The following CHD9 variants were observed in gnomAD, a reference collection of about 807,000 sequenced individuals.
The protein encoded by CHD9 is chromodomain helicase DNA binding protein 9, also known as ATP-dependent chromatin remodeler CHD9.
A neutral mutation model predicts 316.1 loss-of-function variants in CHD9; 77 were observed. The observed-to-expected ratio is 0.24, with a 90% CI of 0.20 to 0.29. The LOEUF is 0.29. Among genes scored for constraint, CHD9 ranks in the 10% least tolerant of loss-of-function variants. The pLI is 1.00. For synonymous variants in CHD9, 1,129 were observed against 1,158.3 expected (o/e 0.97, Z 0.51); for missense variants, 2,763 against 3,438.1 (o/e 0.80, Z 4.91).
In CHD9 at chr16:53,274,258, T is replaced by C; in HGVS notation, c.4923T>C (p.Val1641=). 6.2e-7 allele frequency: 1 copy of C among 1,600,370 alleles called. No individual in the cohort carries two copies. Among genetic ancestry groups the C allele is most frequent in the Non-Finnish European group, 8.5e-7 (1 of 1,174,522 alleles). ...VRMLYYLKQE[V]IGNECQKVFD... ...TGCTGTATTATCTAAAGCAAGAAGTTATTGGAAATGAGTGTCAGAAAGTAT... is the reference window on the plus strand; with the variant it reads ...TGCTGTATTATCTAAAGCAAGAAGTCATTGGAAATGAGTGTCAGAAAGTAT... The change falls in exon 24 of 39, where the codon GTT becomes GTC. Residue 1641 remains valine, a synonymous_variant. Coordinates refer to ENST00000447540, the MANE Select transcript of CHD9 (RefSeq NM_001308319.2).
At chr16:53,220,401 G>C (rs1329420420) in intron 3 of CHD9, among the ~76,000 whole-genome samples, 1 of 152,118 alleles carries the variant, frequency 6.6e-6, no homozygotes, top group Non-Finnish European at 1.5e-5. Flanking sequence ...ACCAAGTCCT[G>C]TTGGTTCTAC....
intron 1 of CHD9, among the ~76,000 whole-genome samples, chr16:53,118,919 C>T (rs551822539): frequency 2.4e-4 from 36 of 151,932 alleles, no homozygotes; most frequent in Middle Eastern, 3.4e-3. Context: ...CACCCTCCCG[C>T]GTAGCTGGGA....
intron 1 of CHD9, among the ~76,000 whole-genome samples, chr16:53,144,549 G>A (rs1394569001): frequency 6.7e-6 from 1 of 148,362 alleles, no homozygotes; most frequent in Non-Finnish European, 1.5e-5. Flanking sequence ...TTTTTTTTGA[G>A]ATGGAGTCTG....
At chr16:53,317,240 G>A (rs995794502) in intron 36 of CHD9, among the ~76,000 whole-genome samples, 14 of 151,470 alleles carry the variant, frequency 9.2e-5, no homozygotes, top group Admixed American at 8.6e-4. Context: ...TAATATTCCA[G>A]AGTACGTGGA....
chr16:53,224,214 A>G (rs970889237), intron 4 of CHD9, among the ~76,000 whole-genome samples: 8 of 152,332 alleles, frequency 5.3e-5, no homozygotes, highest in African/African-American at 1.9e-4. Flanking sequence ...CAGGATTTTA[A>G]GTTGTGCTTT....
intron 1 of CHD9, among the ~76,000 whole-genome samples, chr16:53,110,967 A>C (rs898910614): frequency 6.6e-6 from 1 of 152,240 alleles, no homozygotes; most frequent in Non-Finnish European, 1.5e-5. Context: ...GAGAAGGTAC[A>C]TTTTTTGGGG....
intron 19 of CHD9, among the ~76,000 whole-genome samples, chr16:53,257,633 A>G (rs1015099228): frequency 1.1e-4 from 17 of 152,170 alleles, no homozygotes; most frequent in African/African-American, 3.9e-4. Context: ...AAGGACATTT[A>G]TATGGGGAAA....
intron 36 of CHD9, among the ~76,000 whole-genome samples, chr16:53,315,510 G>A (rs554717325): frequency 7.2e-5 from 11 of 152,096 alleles, no homozygotes; most frequent in South Asian, 4.2e-4. Context: ...ACAGAGTCTC[G>A]CACTGTCACC....
At chr16:53,203,866 A>G (rs1316947348) in intron 2 of CHD9, among the ~76,000 whole-genome samples, 4 of 151,490 alleles carry the variant, frequency 2.6e-5, no homozygotes, top group Non-Finnish European at 4.4e-5. Flanking sequence ...TACTAAAAAT[A>G]CAAAAAAATT....
intron 19 of CHD9, among the ~76,000 whole-genome samples, chr16:53,260,923 T>C (rs1292431257): frequency 6.6e-6 from 1 of 152,204 alleles, no homozygotes; most frequent in Non-Finnish European, 1.5e-5. Context: ...GGTCCTTAAC[T>C]TAATCATATC....
chr16:53,150,896 A>G (rs551047508), intron 1 of CHD9, among the ~76,000 whole-genome samples: 1 of 152,238 alleles, frequency 6.6e-6, no homozygotes, highest in East Asian at 1.9e-4. Context: ...TGCCACTTTC[A>G]AGATTCTCTT....
chr16:53,218,605 T>A (rs1452991129), intron 3 of CHD9, among the ~76,000 whole-genome samples: 10 of 152,170 alleles, frequency 6.6e-5, no homozygotes, highest in South Asian at 6.2e-4. Flanking sequence ...TTGTAAATTT[T>A]AAAAAAATTT....
chr16:53,108,674 A>G (rs905634079), intron 1 of CHD9, among the ~76,000 whole-genome samples: 1 of 152,070 alleles, frequency 6.6e-6, no homozygotes, highest in African/African-American at 2.4e-5. Flanking sequence ...CAGGAGTTTG[A>G]GATCAGCCTG....
chr16:53,283,856 A>G (rs1376563225), intron 24 of CHD9, among the ~76,000 whole-genome samples: 3 of 152,192 alleles, frequency 2.0e-5, no homozygotes, highest in African/African-American at 7.2e-5. Flanking sequence ...TCAAGAATCT[A>G]CAGAAAGATC....
intron 24 of CHD9, among the ~76,000 whole-genome samples, chr16:53,279,034 A>C (rs1292642133): frequency 6.6e-6 from 1 of 152,204 alleles, no homozygotes; most frequent in African/African-American, 2.4e-5. Context: ...ATTATAAAAC[A>C]TGCTGCTATA....
intron 1 of CHD9, among the ~76,000 whole-genome samples, chr16:53,120,096 G>A (rs1360127955): frequency 3.3e-5 from 5 of 151,950 alleles, no homozygotes; most frequent in African/African-American, 1.2e-4. Context: ...AGCTGGTCAT[G>A]GTGGCAATGC....
chr16:53,236,969 C>G (rs977011803), intron 11 of CHD9, among the ~76,000 whole-genome samples: 1 of 152,054 alleles, frequency 6.6e-6, no homozygotes, highest in South Asian at 2.1e-4. Context: ...ACTCCCCGTG[C>G]CTTCACGGGG....
Position 53,222,650 on chromosome 16 carries a change from C to A in CHD9, c.1791C>A (p.Leu597=). 6.9e-7 allele frequency: 1 copy of A among 1,450,882 alleles called. No individual in the cohort carries two copies. Among genetic ancestry groups the A allele is most frequent in the South Asian group, 1.2e-5 (1 of 81,880 alleles). The allele number at this position is 1,450,882 out of a possible 1,614,324, so 89.9% of individuals were successfully genotyped here. The change falls in exon 4 of 39, where the codon CTC becomes CTA. Residue 597 remains leucine (L), a synonymous_variant. Coordinates refer to ENST00000447540, the MANE Select transcript of CHD9 (RefSeq NM_001308319.2). ...TCTTTTCCTCTTGAAACAGCAAACTCATTATTACATTGGGTAAGAAACAAA... is the reference window on the plus strand; with the variant it reads ...TCTTTTCCTCTTGAAACAGCAAACTAATTATTACATTGGGTAAGAAACAAA... ...KLKEKTKIGK[L]IITLGKKQKR...
rs1268875286 is a variant in CHD9 at position 53,267,408 on chromosome 16, A to C, written c.4435A>C (p.Lys1479Gln). 6.2e-7 allele frequency: 1 copy of C among 1,613,268 alleles called. No homozygotes were observed. Among genetic ancestry groups the C allele is most frequent in the Non-Finnish European group, 8.5e-7 (1 of 1,179,446 alleles). ...TGAAAGTGAAGGAGATGAAAAGCCC[A>C]AACTCCGGAGACCCTGTGACCGTTC... is the stretch of plus-strand genomic sequence containing the variant. ...EAESEGDEKP[K>Q]LRRPCDRSNG... The change falls in exon 21 of 39, where the codon AAA (lysine) becomes CAA (glutamine). Residue 1479 changes from lysine (K) to glutamine (Q), a missense_variant. Transcript: ENST00000447540.
Sources: allele counts gnomAD v4.1 joint callset (sites outside exome capture counted in the v4.1 genomes callset), GRCh38; gene constraint gnomAD v4.1.1; transcripts MANE v1.5; gene names NCBI Gene and HGNC (gene_info 2026-07-23, HGNC 2026-07-21).